Variants in PCDH15 observed in about 807,000 individuals in gnomAD.
PCDH15 encodes the protein protocadherin-15.
A neutral mutation model predicts 178.5 loss-of-function variants in PCDH15; 129 were observed. The observed-to-expected ratio is 0.72, with a 90% confidence interval of 0.63 to 0.84. The LOEUF is 0.84. PCDH15 is among the 40% of genes least tolerant of loss of function. PCDH15 has a pLI of 0.00. For synonymous variants in PCDH15, 800 were observed against 732.0 expected (o/e 1.09, Z -1.50); for missense variants, 2,230 against 2,099.9 (o/e 1.06, Z -1.21).
chr10:54,213,806 CA>C (rs1426048146), intron 10 of PCDH15, 129 bp downstream of exon 10: 1 of 599,176 alleles, frequency 1.7e-6, no homozygotes, highest in Non-Finnish European at 2.9e-6. Flanking sequence ...TTCTTTTTAA[CA>C]AAAAATTGAC....
At chr10:54,673,867 T>C (rs1730841713) in intron 1 of PCDH15, among the ~76,000 whole-genome samples, 1 of 152,218 alleles carries the variant, frequency 6.6e-6, no homozygotes, top group African/African-American at 2.4e-5. Context: ...ATATGTACTT[T>C]TTAACATGTA....
chr10:55,359,150 T>C (rs1845155659), intron 2 of PCDH15, among the ~76,000 whole-genome samples: 1 of 151,716 alleles, frequency 6.6e-6, no homozygotes, highest in Admixed American at 6.6e-5. Context: ...TGAGTTAGGG[T>C]GGCACCACTG....
intron 3 of PCDH15, among the ~76,000 whole-genome samples, chr10:54,404,934 A>G (rs1307362220): frequency 1.3e-5 from 2 of 152,070 alleles, no homozygotes; most frequent in Admixed American, 1.3e-4. Context: ...CCAAGTCAAA[A>G]CCACAATAAG....
chr10:54,457,440 C>G (rs558312895), intron 3 of PCDH15, among the ~76,000 whole-genome samples: 1 of 152,150 alleles, frequency 6.6e-6, no homozygotes, highest in Non-Finnish European at 1.5e-5. Context: ...GTCAGCCCTC[C>G]TAATCTTTCA....
At position 55,258,860 on chromosome 10, in the gene PCDH15, C is replaced by T. The variant is rs1466261790; in HGVS notation, c.-156+60739G>A. Reference sequence around the variant, plus strand: ...TCTGAGTACCTTCTTCAACTGTAACCGCAGGGCCTCTCAAAAAGTATCAAA... The same window carrying T: ...TCTGAGTACCTTCTTCAACTGTAACTGCAGGGCCTCTCAAAAAGTATCAAA... On this transcript the variant is annotated intron_variant, in intron 1 of 5. Coordinates refer to the PCDH15 transcript ENST00000458638. Among the ~76,000 whole-genome samples the T allele has an allele frequency of 3.3e-5, 5 of 150,596 alleles. No homozygotes were observed. The South Asian group carries it at 6.3e-4, about 19-fold the overall frequency.
intron 2 of PCDH15, among the ~76,000 whole-genome samples, chr10:55,515,665 A>G (rs1020009494): frequency 1.3e-5 from 2 of 152,122 alleles, no homozygotes; most frequent in African/African-American, 4.8e-5. Context: ...GTGGTCCTAA[A>G]TAACTCTTAA....
At chr10:55,222,730 C>CACACACACACACACACACACACATATAT in intron 1 of PCDH15, among the ~76,000 whole-genome samples, 1 of 121,264 alleles carries the variant, frequency 8.2e-6, no homozygotes, top group African/African-American at 3.4e-5. Context: ...CACACACACA[C>CACACACACACACACACACACACATATAT]ATATATATAT....
At chr10:55,006,071 C>T (rs886579862) in intron 2 of PCDH15, among the ~76,000 whole-genome samples, 1 of 151,850 alleles carries the variant, frequency 6.6e-6, no homozygotes, top group East Asian at 1.9e-4. Flanking sequence ...TTATCCATCA[C>T]CACACAAATT....
At chr10:54,490,026 T>C (rs527952628) in intron 3 of PCDH15, among the ~76,000 whole-genome samples, 4 of 152,328 alleles carry the variant, frequency 2.6e-5, no homozygotes, top group South Asian at 2.1e-4. Flanking sequence ...GCATTAGGAT[T>C]ATATTTCTGC....
chr10:54,208,733 G>T (rs759267249), intron 10 of PCDH15, among the ~76,000 whole-genome samples: 1 of 151,982 alleles, frequency 6.6e-6, no homozygotes, highest in African/African-American at 2.4e-5. Flanking sequence ...GTGTGTGTGC[G>T]TGTGCGTGTG....
At chr10:54,197,207 C>A (rs1724501717) in intron 10 of PCDH15, among the ~76,000 whole-genome samples, 1 of 138,408 alleles carries the variant, frequency 7.2e-6, no homozygotes. Context: ...TTTTTTCTCC[C>A]ATTAAGTTTA....
At chr10:55,565,804 G>A (rs2132104026) in intron 2 of PCDH15, among the ~76,000 whole-genome samples, 1 of 151,700 alleles carries the variant, frequency 6.6e-6, no homozygotes, top group South Asian at 2.1e-4. Flanking sequence ...AATTAAAAAT[G>A]TAAATAGACT....
chr10:54,178,733 C>CA (rs752285070), intron 13 of PCDH15, among the ~76,000 whole-genome samples: 55 of 151,650 alleles, frequency 3.6e-4, no homozygotes, highest in Non-Finnish European at 6.9e-4. Context: ...AAGAAAAAAA[C>CA]AACCCCATCA....
intron 1 of PCDH15, among the ~76,000 whole-genome samples, chr10:54,740,517 T>C (rs887232009): frequency 2.0e-5 from 3 of 151,856 alleles, no homozygotes; most frequent in Non-Finnish European, 4.4e-5. Flanking sequence ...AGCAATTCCA[T>C]TCCTTGGTGT....
At chr10:54,593,231 CA>C (rs556694911) in intron 2 of PCDH15, among the ~76,000 whole-genome samples, 2 of 151,956 alleles carry the variant, frequency 1.3e-5, no homozygotes, top group Non-Finnish European at 2.9e-5. Context: ...CTCTCATATC[CA>C]AAAAAATCAT....
At chr10:53,982,710 A>G (rs1399723332) in intron 21 of PCDH15, among the ~76,000 whole-genome samples, 10 of 150,928 alleles carry the variant, frequency 6.6e-5, no homozygotes, top group Middle Eastern at 3.4e-3. Flanking sequence ...TAGGAGATAT[A>G]CCTAATGCTA....
At chr10:54,908,752 A>G (rs1954768938) in intron 2 of PCDH15, among the ~76,000 whole-genome samples, 2 of 152,104 alleles carry the variant, frequency 1.3e-5, no homozygotes, top group Admixed American at 1.3e-4. Context: ...CTCAGCAGAG[A>G]GGGTAGCTCT....
chr10:55,169,559 CAT>C (rs370468760), intron 1 of PCDH15, among the ~76,000 whole-genome samples: 66 of 152,226 alleles, frequency 4.3e-4, no homozygotes, highest in African/African-American at 1.5e-3. Context: ...AATTTATTAA[CAT>C]AAAAGCAGGT....
intron 2 of PCDH15, among the ~76,000 whole-genome samples, chr10:54,570,714 G>A (rs1404496255): frequency 5.9e-5 from 9 of 151,966 alleles, no homozygotes; most frequent in East Asian, 1.9e-4. Flanking sequence ...GTGCAGTGGC[G>A]TGATCTCCTC....
Sources: gnomAD v4.1 joint callset for allele counts (sites outside exome capture counted in the v4.1 genomes callset) on GRCh38, gnomAD v4.1.1 for gene constraint, MANE v1.5 for transcripts, NCBI Gene and HGNC (gene_info 2026-07-23, HGNC 2026-07-21) for gene names.